The following CYP4X1 variants were observed in gnomAD, a reference collection of about 807,000 sequenced individuals.
The protein encoded by CYP4X1 is cytochrome P450 family 4 subfamily X member 1.
CYP4X1 carries 44 observed loss-of-function variants against 57.9 expected under a neutral mutation model. The observed-to-expected ratio is 0.76, with a 90% confidence interval of 0.60 to 0.98. CYP4X1 has a LOEUF of 0.98. Among genes scored for constraint, CYP4X1 ranks in the 50% least tolerant of loss-of-function variants. The pLI, the probability that CYP4X1 is intolerant of heterozygous loss-of-function variation, is 0.00. For synonymous variants in CYP4X1, 227 were observed against 228.6 expected, an observed-to-expected ratio of 0.99 and a Z score of 0.06; for missense variants, 532 against 623.9, an observed-to-expected ratio of 0.85 and a Z score of 1.57.
chr1:46,998,241 T>A, the CYP4X1 span, among the ~76,000 whole-genome samples: 3 of 152,118 alleles, frequency 2.0e-5, no homozygotes, highest in Non-Finnish European at 4.4e-5. Context: ...AATGGTGTGA[T>A]CATAGCTCAC....
the CYP4X1 span, among the ~76,000 whole-genome samples, chr1:46,998,216 C>T: frequency 6.6e-6 from 1 of 152,024 alleles, no homozygotes; most frequent in African/African-American, 2.4e-5. Context: ...ATCCAGGTCA[C>T]CCAGACTGGA....
chr1:46,996,267 C>T, the CYP4X1 span, among the ~76,000 whole-genome samples: 1 of 152,180 alleles, frequency 6.6e-6, no homozygotes, highest in South Asian at 2.1e-4. Flanking sequence ...CCCAGGCAGT[C>T]TGGCTCAGGA....
chr1:47,027,248 C>G (rs770311030), intron 1 of CYP4X1, among the ~76,000 whole-genome samples: 5 of 151,442 alleles, frequency 3.3e-5, no homozygotes, highest in Non-Finnish European at 7.4e-5. Context: ...GTCAAACTGT[C>G]TAATATTACC....
intron 3 of CYP4X1, among the ~76,000 whole-genome samples, chr1:47,032,822 G>A (rs189030500): frequency 1.0e-3 from 157 of 152,244 alleles, no homozygotes; most frequent in African/African-American, 3.6e-3. Flanking sequence ...GAGTAGGTTG[G>A]CTACCTTATG....
At chr1:46,983,477 A>G in the CYP4X1 span, among the ~76,000 whole-genome samples, 1 of 152,208 alleles carries the variant, frequency 6.6e-6, no homozygotes, top group Non-Finnish European at 1.5e-5. Context: ...TGCAGCTGCA[A>G]TGGCAGAGAG....
Position 47,046,550 on chromosome 1 carries a change from G to C in CYP4X1, c.1157G>C (p.Arg386Thr), listed in dbSNP as rs147541736. The part of the protein sequence containing the change: ...RLIPAVPSIS[R>T]DLSKPLTFPD... ...ATTCCTGCAGTCCCGTCCATTTCCA[G>C]AGATCTCAGCAAGCCACTTACCTTC... is the stretch of plus-strand genomic sequence containing the variant. The change falls in exon 9 of 12, where the codon AGA (arginine) becomes ACA (threonine). Residue 386 changes from arginine to threonine, a missense_variant. Physicochemically the swap from Arg to Thr is moderately conservative, Grantham distance 71. Coordinates refer to ENST00000371901, the MANE Select transcript of CYP4X1 (RefSeq NM_178033.2). 4 of 1,614,142 alleles carry C rather than the reference G, an allele frequency of 2.5e-6. No homozygotes were observed. The Admixed American group carries it at 5.0e-5, about 20-fold the overall frequency.
the CYP4X1 span, among the ~76,000 whole-genome samples, chr1:46,999,024 CTTTGTG>C: frequency 1.3e-5 from 1 of 76,686 alleles, no homozygotes; most frequent in Admixed American, 1.6e-4. Flanking sequence ...GGCTTGCTTT[CTTTGTG>C]TGTGTGTGTG....
chr1:46,985,414 G>A, the CYP4X1 span, among the ~76,000 whole-genome samples: 2 of 152,224 alleles, frequency 1.3e-5, no homozygotes, highest in Non-Finnish European at 2.9e-5. Context: ...AAGCACCTGG[G>A]GGAAGGGGTG....
chr1:46,993,383 C>T, the CYP4X1 span, among the ~76,000 whole-genome samples: 5 of 152,268 alleles, frequency 3.3e-5, no homozygotes, highest in South Asian at 1.0e-3. Context: ...AATAGTGCCA[C>T]AATAAACATA....
At chr1:46,977,485 C>A in the CYP4X1 span, among the ~76,000 whole-genome samples, 1 of 151,980 alleles carries the variant, frequency 6.6e-6, no homozygotes, top group Non-Finnish European at 1.5e-5. Flanking sequence ...GTGAAAAGAT[C>A]AAATCTACAT....
the CYP4X1 span, among the ~76,000 whole-genome samples, chr1:46,993,689 A>G: frequency 6.6e-6 from 1 of 152,168 alleles, no homozygotes; most frequent in African/African-American, 2.4e-5. Flanking sequence ...GCCAGTGATG[A>G]GCATTTTTTC....
At chr1:47,053,626 A>G (rs376728516), downstream of CYP4X1, among the ~76,000 whole-genome samples, 1 of 152,120 alleles carries the variant, frequency 6.6e-6, no homozygotes, top group Non-Finnish European at 1.5e-5. Context: ...GGTATGAGAT[A>G]GTATCTCATT....
At chr1:46,975,639 G>T in the CYP4X1 span, among the ~76,000 whole-genome samples, 1 of 152,018 alleles carries the variant, frequency 6.6e-6, no homozygotes, top group Non-Finnish European at 1.5e-5. Context: ...TGACTTATGT[G>T]TCTTGGGGAT....
upstream of CYP4X1, among the ~76,000 whole-genome samples, chr1:47,019,866 T>C (rs1643978535): frequency 6.6e-6 from 1 of 152,246 alleles, no homozygotes; most frequent in Non-Finnish European, 1.5e-5. Context: ...ACTGAGTACA[T>C]ATAAATCACT....
Position 47,030,043 on chromosome 1 carries a change from T to C in CYP4X1, c.231T>C (p.Pro77=). ...EKLEEIIEKY[P]RAFPFWIGPF... Reference sequence around the variant, plus strand: ...TTGAGGAAATTATTGAAAAATACCCTCGTGCCTTCCCTTTCTGGATTGGGC... The same window carrying C: ...TTGAGGAAATTATTGAAAAATACCCCCGTGCCTTCCCTTTCTGGATTGGGC... The change falls in exon 2 of 12, where the codon CCT becomes CCC. Residue 77 remains proline (P), a synonymous_variant. Transcript: ENST00000371901. The C allele has an allele frequency of 6.2e-7, 1 of 1,614,152 alleles. No homozygotes were observed.
rs766705459 is a variant in CYP4X1, at chr1:47,049,913, A to T, written c.1356-87A>T. 501 of 1,316,210 alleles carry T rather than the reference A, an allele frequency of 3.8e-4. 2 individuals are homozygous for T. Among genetic ancestry groups the T allele is most frequent in the Non-Finnish European group, 5.0e-4 (469 of 939,444 alleles). 81.5% of individuals were successfully genotyped at this position (1,316,210 alleles called of 1,614,324 possible). A position where few individuals can be genotyped will look rare whatever the true frequency, so the allele number is the denominator to read the frequency against. ...GTGGAAAAATATCACTTTACTGTGT[A>T]CTTCAGACTTATTGTACTAGTATTT... On this transcript the variant is annotated intron_variant, in intron 11 of 11. Transcript: ENST00000371901.
intron 1 of CYP4X1, among the ~76,000 whole-genome samples, chr1:47,024,798 G>C (rs1644044330): frequency 6.6e-6 from 1 of 152,160 alleles, no homozygotes; most frequent in Non-Finnish European, 1.5e-5. Context: ...AGTCTGTGAA[G>C]GGCTGAGCAG....
upstream of CYP4X1, among the ~76,000 whole-genome samples, chr1:47,020,218 T>C (rs1435639128): frequency 6.6e-6 from 1 of 152,196 alleles, no homozygotes; most frequent in Admixed American, 6.5e-5. Flanking sequence ...CTTTCCTACT[T>C]CGTCCACATA....
chr1:46,992,087 A>G, the CYP4X1 span, among the ~76,000 whole-genome samples: 1 of 152,190 alleles, frequency 6.6e-6, no homozygotes, highest in Non-Finnish European at 1.5e-5. Flanking sequence ...TGGGCAGATC[A>G]CCTGAGATCA....
Sources: allele counts gnomAD v4.1 joint callset (sites outside exome capture counted in the v4.1 genomes callset), GRCh38; gene constraint gnomAD v4.1.1; transcripts MANE v1.5; gene names NCBI Gene and HGNC (gene_info 2026-07-23, HGNC 2026-07-21).